MFHAS1: variants seen among roughly 807,000 people sequenced by gnomAD.
The protein encoded by MFHAS1 is malignant fibrous histiocytoma-amplified sequence 1.
MFHAS1 carries 50 observed loss-of-function variants against 70.4 expected under a neutral mutation model. That is an observed-to-expected ratio of 0.71 (90% confidence interval 0.57 to 0.90). MFHAS1 has a LOEUF of 0.90. Ranked by LOEUF, MFHAS1 falls within the 40% of genes least tolerant of loss-of-function variation. The pLI is 0.00. For synonymous variants in MFHAS1, 952 were observed against 620.0 expected (o/e 1.54, Z -7.96); for missense variants, 1,795 against 1,347.6 (o/e 1.33, Z -5.20).
At chr8:8,872,423 T>C (rs1364231158) in intron 1 of MFHAS1, among the ~76,000 whole-genome samples, 1 of 152,226 alleles carries the variant, frequency 6.6e-6, no homozygotes, top group Non-Finnish European at 1.5e-5. Context: ...TGCAGCTTCC[T>C]TCATGCGGAC....
chr8:8,874,905 T>TAA lies in MFHAS1; in HGVS notation c.2998+15154_2998+15155dup, dbSNP rs1285250164. Among the ~76,000 whole-genome samples, 37 of 139,416 alleles carry TAA rather than the reference T, an allele frequency of 2.7e-4. 1 individual carries two copies. Among genetic ancestry groups the TAA allele is most frequent in the Non-Finnish European group, 6.3e-5 (4 of 63,676 alleles). 91.5% of individuals were successfully genotyped at this position (139,416 alleles called of 152,430 possible). A position where few individuals can be genotyped will look rare whatever the true frequency, so the allele number is the denominator to read the frequency against. On this transcript the variant is annotated intron_variant, in intron 1 of 2. Coordinates refer to ENST00000276282, the MANE Select transcript of MFHAS1 (RefSeq NM_004225.3). ...ATATAAACTGATAAAACACTGTGAT[T>TAA]AAAAAAAAAAAAAGAAAAACCACCA... is the stretch of plus-strand genomic sequence containing the variant.
intron 1 of MFHAS1, among the ~76,000 whole-genome samples, chr8:8,889,504 G>T (rs2116946671): frequency 6.6e-6 from 1 of 152,344 alleles, no homozygotes; most frequent in African/African-American, 2.4e-5. Flanking sequence ...TTAAATGCTT[G>T]AGGGGATGGA....
At chr8:8,802,154 A>C (rs1168837262) in intron 1 of MFHAS1, among the ~76,000 whole-genome samples, 2 of 152,186 alleles carry the variant, frequency 1.3e-5, no homozygotes, top group African/African-American at 2.4e-5. Flanking sequence ...CTTCACAACA[A>C]CACCAGAAGG....
At chr8:8,830,587 A>G (rs1285106620) in intron 1 of MFHAS1, among the ~76,000 whole-genome samples, 1 of 152,182 alleles carries the variant, frequency 6.6e-6, no homozygotes, top group Non-Finnish European at 1.5e-5. Context: ...AGTTGGCCCT[A>G]AAGCAAGGAA....
intron 1 of MFHAS1, among the ~76,000 whole-genome samples, chr8:8,819,094 A>C (rs905722805): frequency 1.4e-5 from 2 of 146,338 alleles, no homozygotes; most frequent in African/African-American, 2.4e-5. Context: ...ATATAATGGA[A>C]TATCACGTGG....
chr8:8,854,424 G>C (rs1808355654), intron 1 of MFHAS1, among the ~76,000 whole-genome samples: 1 of 152,254 alleles, frequency 6.6e-6, no homozygotes, highest in East Asian at 1.9e-4. Flanking sequence ...CGGAGGCTGA[G>C]GCAGGATAAT....
At chr8:8,861,978 G>C (rs1471625376) in intron 1 of MFHAS1, among the ~76,000 whole-genome samples, 1 of 152,140 alleles carries the variant, frequency 6.6e-6, no homozygotes, top group Non-Finnish European at 1.5e-5. Flanking sequence ...TGGCAATTGT[G>C]GAAAAAGCTG....
chr8:8,842,728 C>T lies in MFHAS1; in HGVS notation c.2999-45237G>A, dbSNP rs575681669. 3.1e-3 allele frequency among the ~76,000 whole-genome samples: 475 copies of T among 152,198 alleles called. 3 individuals carry two copies. Among genetic ancestry groups the T allele is most frequent in the African/African-American group, 0.011 (443 of 41,520 alleles). ...ATTTTGAGCAAGGTGCCCAGGTGAT[C>T]GGACAGCACGTTAAAGCTAGAGAAG... On this transcript the variant is annotated intron_variant, in intron 1 of 2. Coordinates refer to ENST00000276282, the MANE Select transcript of MFHAS1 (RefSeq NM_004225.3).
At chr8:8,826,487 C>A (rs913940147) in intron 1 of MFHAS1, among the ~76,000 whole-genome samples, 1 of 152,194 alleles carries the variant, frequency 6.6e-6, no homozygotes, top group African/African-American at 2.4e-5. Flanking sequence ...AATCCCAGCA[C>A]TTTGAGAGAC....
intron 1 of MFHAS1, among the ~76,000 whole-genome samples, chr8:8,800,652 G>A (rs992556489): frequency 1.3e-5 from 2 of 152,162 alleles, no homozygotes; most frequent in African/African-American, 4.8e-5. Context: ...CTCCTTGCCT[G>A]CTTATCTTCA....
chr8:8,813,939 C>G (rs1023757785), intron 1 of MFHAS1, among the ~76,000 whole-genome samples: 2 of 138,578 alleles, frequency 1.4e-5, no homozygotes, highest in African/African-American at 5.3e-5. Context: ...ACATTTTTAT[C>G]TTTTTTTTTT....
chr8:8,848,271 C>T (rs753161741), intron 1 of MFHAS1, among the ~76,000 whole-genome samples: 1 of 152,130 alleles, frequency 6.6e-6, no homozygotes, highest in South Asian at 2.1e-4. Flanking sequence ...ATCATAATAG[C>T]CTCCTCCTAG....
At chr8:8,791,765 C>T (rs1805726508) in intron 2 of MFHAS1, among the ~76,000 whole-genome samples, 1 of 152,134 alleles carries the variant, frequency 6.6e-6, no homozygotes, top group Admixed American at 6.5e-5. Context: ...GCTCAGTACC[C>T]CTGAAATATC....
chr8:8,831,519 C>T lies in MFHAS1; in HGVS notation c.2999-34028G>A, dbSNP rs115292956. On this transcript the variant is annotated intron_variant, in intron 1 of 2. Coordinates refer to ENST00000276282, the MANE Select transcript of MFHAS1 (RefSeq NM_004225.3). The stretch of plus-strand genomic sequence containing the variant: ...TCTCCACAATCACCTGATTTCAAAA[C>T]GTACCACAAAGCTACAAGAATCAGG... Among the ~76,000 whole-genome samples, 827 of 152,112 alleles carry T rather than the reference C, an allele frequency of 5.4e-3. 9 individuals carry two copies. The highest frequency in any genetic ancestry group is 0.019 in the African/African-American group (807 of 41,476).
intron 1 of MFHAS1, among the ~76,000 whole-genome samples, chr8:8,833,088 G>C (rs1227098346): frequency 1.3e-5 from 2 of 152,122 alleles, no homozygotes; most frequent in African/African-American, 4.8e-5. Context: ...GGAAGAAAGA[G>C]AAGGGAAGGT....
intron 1 of MFHAS1, among the ~76,000 whole-genome samples, chr8:8,815,518 G>A (rs1289007044): frequency 1.3e-5 from 2 of 152,064 alleles, no homozygotes; most frequent in Non-Finnish European, 2.9e-5. Context: ...CCACAGCTTC[G>A]CCAGCATCTG....
chr8:8,809,630 T>C (rs979486268), intron 1 of MFHAS1, among the ~76,000 whole-genome samples: 3 of 152,172 alleles, frequency 2.0e-5, no homozygotes, highest in African/African-American at 7.2e-5. Flanking sequence ...AGGAAAACTA[T>C]TTCCCCTTTT....
At chr8:8,868,039 C>G (rs1000252220) in intron 1 of MFHAS1, among the ~76,000 whole-genome samples, 1 of 152,054 alleles carries the variant, frequency 6.6e-6, no homozygotes, top group Non-Finnish European at 1.5e-5. Context: ...TTCTGTGGCA[C>G]TCTGTCCAGA....
chr8:8,887,152 C>A (rs1183892925), intron 1 of MFHAS1, among the ~76,000 whole-genome samples: 1 of 152,072 alleles, frequency 6.6e-6, no homozygotes, highest in African/African-American at 2.4e-5. Context: ...AACAAAAAAA[C>A]ATGAAAAGGC....
Sources: gnomAD v4.1 joint callset for allele counts (sites outside exome capture counted in the v4.1 genomes callset) on GRCh38, gnomAD v4.1.1 for gene constraint, MANE v1.5 for transcripts, NCBI Gene and HGNC (gene_info 2026-07-23, HGNC 2026-07-21) for gene names.